Variants in RMST observed in about 807,000 individuals in gnomAD.
RMST encodes the protein rhabdomyosarcoma 2 associated transcript, also known as long intergenic non-protein coding RNA 54.
At position 97,478,272 on chromosome 12, in the gene RMST, G is replaced by A. The variant is rs113946896; in HGVS notation, n.644+12545G>A. Among the ~76,000 whole-genome samples, 1,293 of 152,254 alleles carry A rather than the reference G, an allele frequency of 8.5e-3. 8 individuals carry two copies. The highest frequency in any genetic ancestry group is 0.014 in the African/African-American group (595 of 41,554). ...GATGTACACCATAATTTTATGACCT[G>A]AGAACTACTCGATATTTGCTTCAGT... On this transcript the variant is annotated intron_variant and non_coding_transcript_variant, in intron 5 of 13. Transcript: ENST00000640149.
intron 11 of RMST, among the ~76,000 whole-genome samples, chr12:97,559,509 G>A (rs1218630097): frequency 1.3e-5 from 2 of 151,976 alleles, no homozygotes; most frequent in African/African-American, 4.8e-5. Context: ...CCTCCCCTTG[G>A]CAAGGCAATA....
chr12:97,487,233 T>C (rs1055523257), intron 5 of RMST, among the ~76,000 whole-genome samples: 2 of 152,124 alleles, frequency 1.3e-5, no homozygotes, highest in Non-Finnish European at 2.9e-5. Context: ...ATCACCTGGG[T>C]TGGATTTGTG....
At chr12:97,474,435 C>T (rs1483703537) in intron 5 of RMST, among the ~76,000 whole-genome samples, 1 of 152,000 alleles carries the variant, frequency 6.6e-6, no homozygotes, top group African/African-American at 2.4e-5. Context: ...GCAGGGGACA[C>T]CTTTGAACTC....
intron 11 of RMST, among the ~76,000 whole-genome samples, chr12:97,539,967 G>T (rs746658778): frequency 6.6e-6 from 1 of 151,628 alleles, no homozygotes; most frequent in African/African-American, 2.4e-5. Flanking sequence ...AGGGAGGCAG[G>T]TCTGACTGAG....
At position 97,478,465 on chromosome 12, in the gene RMST, T is replaced by C. The variant is rs560957274; in HGVS notation, n.644+12738T>C. Among the ~76,000 whole-genome samples the C allele has an allele frequency of 1.6e-4, 24 of 152,318 alleles. No homozygotes were observed. In the South Asian group the frequency reaches 3.5e-3, roughly 22 times the overall value. ...ACTTGGAAAAAGGACTTGTTTAAGG[T>C]CACACAGCTAGGTAGTGACAGAGCC... On this transcript the variant is annotated intron_variant and non_coding_transcript_variant, in intron 5 of 13. Coordinates refer to ENST00000640149, the Ensembl canonical transcript of RMST.
chr12:97,526,655 GTAATT>G (rs917460569), intron 10 of RMST, among the ~76,000 whole-genome samples: 93 of 150,040 alleles, frequency 6.2e-4, no homozygotes, highest in African/African-American at 2.3e-3. Flanking sequence ...TATGTGGTAA[GTAATT>G]TATAAGTATA....
At chr12:97,553,402 G>A (rs1014019677) in intron 11 of RMST, among the ~76,000 whole-genome samples, 5 of 152,150 alleles carry the variant, frequency 3.3e-5, no homozygotes, top group Admixed American at 6.5e-5. Context: ...TTAGCCTCCA[G>A]AATTTGTGTG....
intron 11 of RMST, among the ~76,000 whole-genome samples, chr12:97,545,401 A>T (rs145164696): frequency 1.6e-4 from 25 of 152,238 alleles, no homozygotes; most frequent in South Asian, 6.2e-4. Context: ...TGACTCTTAG[A>T]TGTCCTTCAC....
chr12:97,497,695 C>A (rs904829459), intron 10 of RMST, among the ~76,000 whole-genome samples: 1 of 148,216 alleles, frequency 6.7e-6, no homozygotes, highest in African/African-American at 2.6e-5. Context: ...TTTTTTTTGC[C>A]TTTCTTTTTC....
intron 11 of RMST, among the ~76,000 whole-genome samples, chr12:97,551,328 T>A (rs1883295009): frequency 7.5e-6 from 1 of 133,152 alleles, no homozygotes; most frequent in Non-Finnish European, 1.6e-5. Flanking sequence ...TAAAAAAGAA[T>A]ATTCCATCTG....
intron 10 of RMST, among the ~76,000 whole-genome samples, chr12:97,521,507 A>G (rs1192345429): frequency 6.6e-6 from 1 of 152,158 alleles, no homozygotes; most frequent in Non-Finnish European, 1.5e-5. Context: ...CCTTAGTTAC[A>G]CTGAGATATA....
chr12:97,512,380 G>C (rs778581688), intron 10 of RMST, among the ~76,000 whole-genome samples: 3 of 152,058 alleles, frequency 2.0e-5, no homozygotes, highest in Non-Finnish European at 4.4e-5. Context: ...GACCCGAGCC[G>C]GTTAACACTG....
chr12:97,507,990 G>A (rs1413085284), intron 10 of RMST, among the ~76,000 whole-genome samples: 2 of 152,194 alleles, frequency 1.3e-5, no homozygotes, highest in Non-Finnish European at 2.9e-5. Flanking sequence ...GTCTTGAGCA[G>A]AAGAAACTCA....
chr12:97,524,075 C>CAGAGAAAAAAAAAAAAAAAAA (rs57255256), intron 10 of RMST, among the ~76,000 whole-genome samples: 659 of 56,128 alleles, frequency 0.012, 252 homozygotes, highest in Non-Finnish European at 0.017. Flanking sequence ...GACTCTGTCT[C>CAGAGAAAAAAAAAAAAAAAAA]AAAAAAAAAA....
chr12:97,552,999 A>T (rs1477010977), intron 11 of RMST, among the ~76,000 whole-genome samples: 1 of 152,184 alleles, frequency 6.6e-6, no homozygotes, highest in Non-Finnish European at 1.5e-5. Flanking sequence ...GCCTACCAGC[A>T]TTTCAACACT....
chr12:97,543,520 G>A (rs1882712229), intron 11 of RMST, among the ~76,000 whole-genome samples: 2 of 152,114 alleles, frequency 1.3e-5, no homozygotes, highest in South Asian at 2.1e-4. Flanking sequence ...CTGGGATAAT[G>A]AAATCATATT....
intron 5 of RMST, among the ~76,000 whole-genome samples, chr12:97,468,059 T>G (rs1873408765): frequency 6.6e-6 from 1 of 152,136 alleles, no homozygotes; most frequent in Non-Finnish European, 1.5e-5. Context: ...CCCTCTTAGA[T>G]AGCTAGTAAA....
chr12:97,543,021 G>A (rs571088321), intron 11 of RMST, among the ~76,000 whole-genome samples: 57 of 152,092 alleles, frequency 3.7e-4, no homozygotes, highest in Admixed American at 5.9e-4. Flanking sequence ...AGCTTTTAGG[G>A]TTTATATCCT....
chr12:97,470,921 G>T (rs974827062), intron 5 of RMST, among the ~76,000 whole-genome samples: 7 of 152,012 alleles, frequency 4.6e-5, no homozygotes, highest in Admixed American at 1.3e-4. Flanking sequence ...TTCAATAAAA[G>T]CCGAATTCAA....
Sources: gnomAD v4.1 joint callset for allele counts (sites outside exome capture counted in the v4.1 genomes callset) on GRCh38, gnomAD v4.1.1 for gene constraint, MANE v1.5 for transcripts, NCBI Gene and HGNC (gene_info 2026-07-23, HGNC 2026-07-21) for gene names.